The following SYCP2L variants were observed in gnomAD, a reference collection of about 807,000 sequenced individuals.
The protein encoded by SYCP2L is synaptonemal complex protein 2 like.
In SYCP2L, 98 loss-of-function variants were observed where a neutral mutation model predicts 125.8. That is an observed-to-expected ratio of 0.78 (90% CI 0.66 to 0.92). SYCP2L has a LOEUF of 0.92. SYCP2L is among the 40% of genes least tolerant of loss of function. The probability of loss-of-function intolerance (pLI) is 0.00; values close to 1 mark genes in which losing one functional copy is unlikely to be tolerated. For synonymous variants in SYCP2L, 317 were observed against 325.4 expected (o/e 0.97, Z 0.28); for missense variants, 842 against 936.4 (o/e 0.90, Z 1.32).
intron 25 of SYCP2L, among the ~76,000 whole-genome samples, chr6:10,957,878 G>A (rs187333153): frequency 2.6e-5 from 4 of 152,232 alleles, no homozygotes; most frequent in Admixed American, 6.5e-5. Context: ...GTTGGTGGCC[G>A]GCTGAGTGGT....
intron 14 of SYCP2L, among the ~76,000 whole-genome samples, chr6:10,917,708 G>A (rs995795994): frequency 6.6e-6 from 1 of 152,060 alleles, no homozygotes; most frequent in African/African-American, 2.4e-5. Context: ...TATGCCTTGG[G>A]TTTTGTTTGT....
intron 20 of SYCP2L, among the ~76,000 whole-genome samples, chr6:10,932,828 A>G (rs535244924): frequency 2.6e-5 from 4 of 152,302 alleles, no homozygotes; most frequent in Admixed American, 6.5e-5. Flanking sequence ...ATCTCAGCTC[A>G]CTGCAACCAC....
In SYCP2L at chr6:10,954,308, G is replaced by A. The variant is rs1781462942; in HGVS notation, c.1955-808G>A. Among the ~76,000 whole-genome samples, 1 of 152,168 alleles carries A rather than the reference G, an allele frequency of 6.6e-6. No individual in the cohort carries two copies. The highest frequency in any genetic ancestry group is 2.4e-5 in the African/African-American group (1 of 41,446). ...AAATACTTGGAGACACAAGTTGGCCGCTTGAGAGAGCTCAGGCAAGAGAGA... is the reference window on the plus strand; with the variant it reads ...AAATACTTGGAGACACAAGTTGGCCACTTGAGAGAGCTCAGGCAAGAGAGA... On this transcript the variant is annotated intron_variant, in intron 23 of 29. Coordinates refer to ENST00000283141, the MANE Select transcript of SYCP2L (RefSeq NM_001040274.3). This position sits in a 1 kb window ranked among gnomAD's most constrained non-coding sequence, Gnocchi z 4.8.
Position 10,910,201 on chromosome 6 carries a change from G to GT in SYCP2L, c.872+2dup, listed in dbSNP as rs1780581116. The stretch of plus-strand genomic sequence containing the variant: ...ACAACAGACTTGGTGACCAAAGAAG[G>GT]TAAGTTGTGTCTCTGAGCATTATTG... On this transcript the variant is annotated splice_donor_variant, in intron 11 of 29. Transcript: ENST00000283141. LOFTEE classifies it high-confidence loss of function. 1 of 1,613,508 alleles carries GT rather than the reference G, an allele frequency of 6.2e-7. No homozygotes were observed. Among genetic ancestry groups the GT allele is most frequent in the African/African-American group, 1.3e-5 (1 of 75,038 alleles).
chr6:10,930,413 A>G lies in SYCP2L; in HGVS notation c.1532A>G (p.Asp511Gly), dbSNP rs1188184199. 22 of 1,613,578 alleles carry G rather than the reference A, an allele frequency of 1.4e-5. No homozygotes were observed. Among genetic ancestry groups the G allele is most frequent in the Non-Finnish European group, 1.9e-5 (22 of 1,179,808 alleles). The part of the protein sequence containing the change: ...RKHLFSESNQ[D>G]SSTSELSWTS... ...CATCTCTTCTCTGAGAGTAATCAAG[A>G]TTCAAGTACCAGTGAACTATCTTGG... Residue 511 changes from aspartate to glycine, a missense_variant, in exon 19 of 30, where the codon GAT (aspartate) becomes GGT (glycine). Asp to Gly is a moderately conservative substitution (Grantham distance 94, BLOSUM62 -1). Transcript: ENST00000283141.
chr6:10,966,250 G>A (rs888373271), intron 29 of SYCP2L, among the ~76,000 whole-genome samples: 3 of 152,142 alleles, frequency 2.0e-5, no homozygotes, highest in African/African-American at 4.8e-5. Context: ...AAGATGGTTC[G>A]ATATTAGGGA....
At chr6:10,969,358 CTTTTTTTTT>C (rs534262433) in intron 29 of SYCP2L, among the ~76,000 whole-genome samples, 1 of 105,032 alleles carries the variant, frequency 9.5e-6, no homozygotes, top group African/African-American at 3.6e-5. Flanking sequence ...AGGAAATTAT[CTTTTTTTTT>C]TTTTTTTTTT....
chr6:10,924,694 G>A lies in SYCP2L; in HGVS notation c.1218+53G>A, dbSNP rs531511165. 18 of 1,404,692 alleles carry A rather than the reference G, an allele frequency of 1.3e-5. No homozygotes were observed. The East Asian group carries it at 3.3e-4, about 26-fold the overall frequency. The allele number at this position is 1,404,692 out of a possible 1,614,324, so 87.0% of individuals were successfully genotyped here. ...TTAAAAATGTTTTAGTATGTTTCAT[G>A]TCTATTAAATGTCCTTGTTGGGTTT... On this transcript the variant is annotated intron_variant, in intron 15 of 29. Transcript: ENST00000283141.
intron 23 of SYCP2L, among the ~76,000 whole-genome samples, chr6:10,952,403 T>A (rs9379969): frequency 0.2 from 30,348 of 152,008 alleles, 3,693 homozygotes; most frequent in Middle Eastern, 0.3. Context: ...GTTCACAAAT[T>A]CCGCATAATT....
chr6:10,913,025 C>A, intron 14 of SYCP2L, 98 bp downstream of exon 14: 2 of 1,209,526 alleles, frequency 1.7e-6, no homozygotes, highest in Non-Finnish European at 2.3e-6. Flanking sequence ...ATATTTTGAC[C>A]ATGCCTTGAG....
intron 1 of SYCP2L, among the ~76,000 whole-genome samples, chr6:10,888,066 C>CTTTTTTTT (rs70991066): frequency 4.0e-5 from 3 of 74,370 alleles, no homozygotes; most frequent in African/African-American, 1.6e-4. Context: ...GTGTTACCAT[C>CTTTTTTTT]TTTTTTTTTT....
chr6:10,931,508 G>A lies in SYCP2L; in HGVS notation c.1683+19G>A, dbSNP rs772635861. 5 of 1,612,310 alleles carry A rather than the reference G, an allele frequency of 3.1e-6. No individual in the cohort carries two copies. The African/African-American group carries it at 6.7e-5, about 22-fold the overall frequency. On this transcript the variant is annotated intron_variant, in intron 20 of 29. Coordinates refer to ENST00000283141, the MANE Select transcript of SYCP2L (RefSeq NM_001040274.3). ...AGACCAAGTAAGTACATTGTATCTG[G>A]GTTGCTGTGTGCCCTGTGAGTTAAA...
intron 29 of SYCP2L, among the ~76,000 whole-genome samples, chr6:10,968,776 T>C (rs1428130695): frequency 2.6e-5 from 4 of 152,138 alleles, no homozygotes; most frequent in African/African-American, 9.7e-5. Flanking sequence ...ATGATGACTG[T>C]CTTTCAGCAG....
intron 23 of SYCP2L, among the ~76,000 whole-genome samples, chr6:10,944,671 A>AAT (rs1476930631): frequency 3.9e-5 from 6 of 151,984 alleles, no homozygotes; most frequent in African/African-American, 1.4e-4. Context: ...CACACATTAT[A>AAT]ATATATATTT....
chr6:10,906,662 A>C lies in SYCP2L; in HGVS notation c.676+608A>C, dbSNP rs551426311. Among the ~76,000 whole-genome samples, 65 of 150,262 alleles carry C rather than the reference A, an allele frequency of 4.3e-4. 1 individual carries two copies. The South Asian group carries it at 7.0e-3, about 16-fold the overall frequency. On this transcript the variant is annotated intron_variant, in intron 9 of 29. Coordinates refer to ENST00000283141, the MANE Select transcript of SYCP2L (RefSeq NM_001040274.3). ...GGCCAGGCTGGAGTGCAATGGCGCG[A>C]TCTCGGCTCACTGCAGCCTCCGCCT...
intron 1 of SYCP2L, among the ~76,000 whole-genome samples, chr6:10,887,687 A>T (rs1465493097): frequency 6.6e-6 from 1 of 152,208 alleles, no homozygotes; most frequent in Non-Finnish European, 1.5e-5. Flanking sequence ...TCCTGGTGGT[A>T]GAAATTCTGA....
rs1780326587 is a variant in SYCP2L, at chr6:10,898,700, A to G, written c.442-124A>G. ...AAGGCCCAGATAGGCTTTCTCTAAAATGCTTTTCTTCTGTAAAGTCAATGC... is the reference window on the plus strand; with the variant it reads ...AAGGCCCAGATAGGCTTTCTCTAAAGTGCTTTTCTTCTGTAAAGTCAATGC... On this transcript the variant is annotated intron_variant, in intron 5 of 29. Coordinates refer to ENST00000283141, the MANE Select transcript of SYCP2L (RefSeq NM_001040274.3). The G allele has an allele frequency of 4.2e-6, 3 of 708,668 alleles. No homozygotes were observed. In the Admixed American group the frequency reaches 7.4e-5, roughly 18 times the overall value. The allele number at this position is 708,668 out of a possible 1,614,324, so 43.9% of individuals were successfully genotyped here.
At chr6:10,911,666 T>C (rs770482032) in intron 12 of SYCP2L, among the ~76,000 whole-genome samples, 1 of 152,164 alleles carries the variant, frequency 6.6e-6, no homozygotes, top group Non-Finnish European at 1.5e-5. Context: ...TTTTTCTTCT[T>C]TCTATGACAT....
intron 12 of SYCP2L, among the ~76,000 whole-genome samples, chr6:10,911,776 CT>C (rs1308611791): frequency 8.6e-5 from 13 of 151,424 alleles, no homozygotes; most frequent in Non-Finnish European, 1.9e-4. Context: ...ACCTCTGTAG[CT>C]ATTAAAAGGT....
Sources: allele counts gnomAD v4.1 joint callset (sites outside exome capture counted in the v4.1 genomes callset), GRCh38; gene constraint gnomAD v4.1.1; non-coding constraint Gnocchi (gnomAD v3.1); transcripts MANE v1.5; gene names NCBI Gene and HGNC (gene_info 2026-07-23, HGNC 2026-07-21).